The following RAD51B variants were observed in gnomAD, a reference collection of about 807,000 sequenced individuals.
The protein encoded by RAD51B is DNA repair protein RAD51 homolog 2.
RAD51B carries 38 observed loss-of-function variants against 42.2 expected under a neutral mutation model. The ratio of observed to expected loss-of-function variants is 0.90; its 90% CI spans 0.70 to 1.18. The LOEUF (loss-of-function observed/expected upper bound fraction) is 1.18, where lower values mean the gene tolerates loss of function less well. Ranked by LOEUF, RAD51B falls within the 50% of genes most tolerant of loss-of-function variation. The pLI is 0.00. For synonymous variants in RAD51B, 154 were observed against 145.2 expected (o/e 1.06, Z -0.43); for missense variants, 373 against 400.7 (o/e 0.93, Z 0.59).
At chr14:68,383,034 G>GA (rs1268849785) in intron 8 of RAD51B, among the ~76,000 whole-genome samples, 2 of 152,004 alleles carry the variant, frequency 1.3e-5, no homozygotes, top group African/African-American at 2.4e-5. Flanking sequence ...ACCACAACTG[G>GA]AAAAATCAAT....
chr14:68,363,533 T>C (rs780667803), intron 8 of RAD51B, among the ~76,000 whole-genome samples: 3 of 152,002 alleles, frequency 2.0e-5, no homozygotes, highest in Non-Finnish European at 2.9e-5. Context: ...GGCCTCCTCA[T>C]TGGAGTGTGC....
At chr14:68,306,650 C>T (rs770837528) in intron 8 of RAD51B, 4 of 514,690 alleles carry the variant, frequency 7.8e-6, no homozygotes, top group South Asian at 5.7e-5. Flanking sequence ...AATAAACATT[C>T]TTGCAATTCT....
intron 5 of RAD51B, among the ~76,000 whole-genome samples, chr14:67,876,682 T>C (rs2042737760): frequency 6.6e-6 from 1 of 152,208 alleles, no homozygotes; most frequent in Non-Finnish European, 1.5e-5. Flanking sequence ...TCTACCACAG[T>C]AAATCCTTTG....
chr14:68,419,631 A>C (rs1014318147), intron 9 of RAD51B, among the ~76,000 whole-genome samples: 2 of 152,180 alleles, frequency 1.3e-5, no homozygotes, highest in Non-Finnish European at 2.9e-5. Context: ...CCGCTCTCCT[A>C]CAGACAGCCA....
intron 5 of RAD51B, among the ~76,000 whole-genome samples, chr14:67,883,218 T>C (rs1217336442): frequency 2.6e-5 from 4 of 151,958 alleles, no homozygotes; most frequent in African/African-American, 7.3e-5. Context: ...CTCTTCTCCA[T>C]TGGGCAGTTA....
At chr14:68,440,258 T>C (rs928377269) in intron 9 of RAD51B, among the ~76,000 whole-genome samples, 5 of 152,182 alleles carry the variant, frequency 3.3e-5, no homozygotes, top group African/African-American at 1.2e-4. Flanking sequence ...AGAATACATA[T>C]TGATTCTTTT....
chr14:67,834,885 C>T (rs1163343264), intron 3 of RAD51B, among the ~76,000 whole-genome samples, 195 bp from the exon 4 acceptor site: 1 of 152,142 alleles, frequency 6.6e-6, no homozygotes, highest in Non-Finnish European at 1.5e-5. Flanking sequence ...CAACGTCTCT[C>T]TCTTTCTGTT....
chr14:68,591,687 C>T lies in RAD51B; in HGVS notation c.1037-2798C>T, dbSNP rs180807776. ...TTTTGTGAGTGAAAATGAAAGGGTT[C>T]CCCACAACCAGCTGCAACAAGGATC... is the stretch of plus-strand genomic sequence containing the variant. On this transcript the variant is annotated intron_variant, in intron 10 of 10. Coordinates refer to the RAD51B transcript ENST00000487270. Among the ~76,000 whole-genome samples the T allele has an allele frequency of 2.7e-3, 409 of 152,096 alleles. 1 individual carries two copies. The highest frequency in any genetic ancestry group is 3.9e-3 in the Non-Finnish European group (263 of 67,986).
intron 7 of RAD51B, among the ~76,000 whole-genome samples, chr14:68,095,932 G>T (rs1460623860): frequency 7.3e-6 from 1 of 136,452 alleles, no homozygotes; most frequent in Non-Finnish European, 1.5e-5. Context: ...CCAAGATCGT[G>T]CCTCTCTCCA....
rs908171253 is a variant in RAD51B, at chr14:68,470,790, C to T, written c.1036+2540C>T. The T allele has an allele frequency of 2.4e-5, 10 of 420,972 alleles. No individual in the cohort carries two copies. In the Admixed American group the frequency reaches 2.5e-4, roughly 11 times the overall value. The allele number at this position is 420,972 out of a possible 1,614,324, so 26.1% of individuals were successfully genotyped here. A position where few individuals can be genotyped will look rare whatever the true frequency, so the allele number is the denominator to read the frequency against. On this transcript the variant is annotated intron_variant, in intron 10 of 10. Transcript: ENST00000471583. ...GCTGCAGCATAAAACGTTTTTCTTA[C>T]GTGGATTGTTGTAACCATCCTGCGG...
At chr14:68,253,740 G>A (rs1010092027) in intron 7 of RAD51B, among the ~76,000 whole-genome samples, 8 of 152,184 alleles carry the variant, frequency 5.3e-5, no homozygotes, top group Non-Finnish European at 1.2e-4. Flanking sequence ...TGTGGGGTAG[G>A]TAATGTTATC....
chr14:68,125,562 A>G (rs1352099162), intron 7 of RAD51B, among the ~76,000 whole-genome samples: 1 of 152,146 alleles, frequency 6.6e-6, no homozygotes, highest in Non-Finnish European at 1.5e-5. Context: ...GAACTTCAAT[A>G]TTTGTGAGCA....
Position 68,508,283 on chromosome 14 carries a change from T to C in RAD51B, c.1036+40033T>C, listed in dbSNP as rs149354636. Among the ~76,000 whole-genome samples, 40 of 152,200 alleles carry C rather than the reference T, an allele frequency of 2.6e-4. No individual in the cohort carries two copies. The East Asian group carries it at 6.8e-3, about 26-fold the overall frequency. ...TAGTCACTTGGAGACCTCTGAACAA[T>C]AGCAGGACTCTAAAGACTGGGACCC... is the stretch of plus-strand genomic sequence containing the variant. On this transcript the variant is annotated intron_variant, in intron 10 of 10. Coordinates refer to the RAD51B transcript ENST00000487270.
chr14:68,659,214 G>A (rs1176402098), intron 11 of RAD51B, among the ~76,000 whole-genome samples: 2 of 152,236 alleles, frequency 1.3e-5, no homozygotes, highest in Non-Finnish European at 2.9e-5. Context: ...AATCTCCCCT[G>A]CCTGGGGACG....
At chr14:68,558,113 A>T (rs1394962888) in intron 10 of RAD51B, among the ~76,000 whole-genome samples, 4 of 152,200 alleles carry the variant, frequency 2.6e-5, no homozygotes, top group African/African-American at 7.2e-5. Flanking sequence ...TTTCCAGGTG[A>T]TCAAGCTTGG....
At chr14:68,237,111 A>G (rs2080275067) in intron 7 of RAD51B, among the ~76,000 whole-genome samples, 1 of 152,198 alleles carries the variant, frequency 6.6e-6, no homozygotes, top group Non-Finnish European at 1.5e-5. Context: ...AAATTTCTTC[A>G]GAAGAGAATT....
At chr14:68,511,554 A>G (rs2140313955) in intron 10 of RAD51B, among the ~76,000 whole-genome samples, 1 of 152,362 alleles carries the variant, frequency 6.6e-6, no homozygotes, top group South Asian at 2.1e-4. Flanking sequence ...CATGGAAAAC[A>G]TGAAAAATAT....
At chr14:68,005,104 G>A (rs1159932593) in intron 7 of RAD51B, among the ~76,000 whole-genome samples, 1 of 140,940 alleles carries the variant, frequency 7.1e-6, no homozygotes, top group African/African-American at 2.7e-5. Flanking sequence ...GCCCAGGCTG[G>A]AGTGCAATGG....
chr14:67,986,198 C>T (rs1407455006), intron 7 of RAD51B, among the ~76,000 whole-genome samples: 1 of 152,152 alleles, frequency 6.6e-6, no homozygotes, highest in Non-Finnish European at 1.5e-5. Context: ...CTTCTATGCA[C>T]GTATGATACT....
Sources: allele counts gnomAD v4.1 joint callset (sites outside exome capture counted in the v4.1 genomes callset), GRCh38; gene constraint gnomAD v4.1.1; transcripts MANE v1.5; gene names NCBI Gene and HGNC (gene_info 2026-07-23, HGNC 2026-07-21).